Variants in LRRK1 observed in about 807,000 individuals in gnomAD.
LRRK1 encodes leucine-rich repeat serine/threonine-protein kinase 1.
A neutral mutation model predicts 209.1 loss-of-function variants in LRRK1; 113 were observed. That is an observed-to-expected ratio of 0.54 (90% CI 0.46 to 0.63). LRRK1 has a LOEUF of 0.63. Among genes scored for constraint, LRRK1 ranks in the 30% least tolerant of loss-of-function variants. The probability of loss-of-function intolerance (pLI) is 0.00; values close to 1 mark genes in which losing one functional copy is unlikely to be tolerated. For missense variants in LRRK1, 2,284 were observed against 2,632.2 expected (o/e 0.87, Z 2.89); for synonymous variants, 1,144 against 1,099.7 (o/e 1.04, Z -0.80).
Position 101,065,415 on chromosome 15 carries a change from G to A in LRRK1, c.4978G>A (p.Gly1660Ser), listed in dbSNP as rs1412835234. 1.2e-6 allele frequency: 2 copies of A among 1,614,116 alleles called. No individual in the cohort carries two copies. The highest frequency in any genetic ancestry group is 1.1e-5 in the South Asian group (1 of 91,084). ...TGTGGCTGTGTTTCCCGTGGTGCGG[G>A]GCACCCCAAAGGACAGCTGCTCCTA... ...GLVAVFPVVR[G>S]TPKDSCSYLC... The change falls in exon 32 of 34, where the codon GGC (glycine) becomes AGC (serine). Residue 1660 changes from glycine (G) to serine (S), a missense_variant. Physicochemically the swap from Gly to Ser is moderately conservative, Grantham distance 56. Transcript: ENST00000388948.
At position 100,939,216 on chromosome 15, in the gene LRRK1, G is replaced by A. The variant is rs368599123; in HGVS notation, c.97+14487G>A. On this transcript the variant is annotated intron_variant, in intron 2 of 33. Coordinates refer to ENST00000388948, the MANE Select transcript of LRRK1 (RefSeq NM_024652.6). The stretch of plus-strand genomic sequence containing the variant: ...GTTGAGTCAGTGCCCTTGCATGCTG[G>A]GACATGGGACAGTACAGTTCCTAAG... 5.5e-4 allele frequency among the ~76,000 whole-genome samples: 83 copies of A among 152,234 alleles called. No individual in the cohort carries two copies. In the South Asian group the frequency reaches 0.017, roughly 30 times the overall value.
chr15:101,051,659 C>A (rs890112829), intron 23 of LRRK1, 52 bp from the exon 24 acceptor site: 2 of 1,584,368 alleles, frequency 1.3e-6, no homozygotes, highest in African/African-American at 1.3e-5. Context: ...GCTCGGGGGG[C>A]CCTCCTGCAC....
intron 12 of LRRK1, among the ~76,000 whole-genome samples, chr15:101,016,359 C>A (rs1397513530): frequency 6.6e-6 from 1 of 151,738 alleles, no homozygotes. Context: ...TGCTGGCGCC[C>A]TCCTCTCAGA....
intron 24 of LRRK1, 123 bp downstream of exon 24, chr15:101,052,083 T>C: frequency 9.0e-7 from 1 of 1,106,624 alleles, no homozygotes; most frequent in Non-Finnish European, 1.3e-6. Flanking sequence ...GGCCATGGCT[T>C]CCCACCAATC....
intron 20 of LRRK1, among the ~76,000 whole-genome samples, chr15:101,040,768 G>T (rs1227740003): frequency 6.6e-6 from 1 of 152,152 alleles, no homozygotes; most frequent in Non-Finnish European, 1.5e-5. Context: ...TTTGGTCAGA[G>T]AATATATTCT....
chr15:101,065,483 G>A lies in LRRK1; in HGVS notation c.5046G>A (p.Ala1682=), dbSNP rs543690677. 125 of 1,614,194 alleles carry A rather than the reference G, an allele frequency of 7.7e-5. No homozygotes were observed. In the African/African-American group the frequency reaches 8.1e-4, roughly 10 times the overall value. ...HTANRSKFSI[A]DEDARQNPYP... is the part of the protein sequence containing the mutation. ...CCAACAGGTCCAAGTTCAGCATCGC[G>A]GATGAAGACGCACGGCAGAACCCCT... The change falls in exon 32 of 34, where the codon GCG becomes GCA. Residue 1682 remains alanine (A), a synonymous_variant. Coordinates refer to ENST00000388948, the MANE Select transcript of LRRK1 (RefSeq NM_024652.6).
chr15:101,025,889 G>T, intron 16 of LRRK1, 76 bp from the exon 17 acceptor site: 1 of 1,530,354 alleles, frequency 6.5e-7, no homozygotes, highest in Middle Eastern at 1.8e-4. Flanking sequence ...CAGCGCACCT[G>T]CACAGCTGGG....
rs533648245 is a variant in LRRK1 at position 101,069,016 on chromosome 15, C to T, written c.*168C>T. ...AGAAGTTACTCGCCTGGCGGTGGCT[C>T]CAGGGTTCTCTGGTTCTCTGGAGCA... is the stretch of plus-strand genomic sequence containing the variant. On this transcript the variant is annotated 3_prime_UTR_variant, in exon 34 of 34. Coordinates refer to ENST00000388948, the MANE Select transcript of LRRK1 (RefSeq NM_024652.6). The T allele has an allele frequency of 3.3e-5, 20 of 604,162 alleles. No individual in the cohort carries two copies. Among genetic ancestry groups the T allele is most frequent in the Admixed American group, 7.2e-5 (2 of 27,836 alleles). The allele number at this position is 604,162 out of a possible 1,614,324, so 37.4% of individuals were successfully genotyped here. A position where few individuals can be genotyped will look rare whatever the true frequency, so the allele number is the denominator to read the frequency against.
rs767857798 is a variant in LRRK1, at chr15:101,049,794, AT to A, written c.3439+12del. 14 of 1,609,966 alleles carry A rather than the reference AT, an allele frequency of 8.7e-6. No individual in the cohort carries two copies. The highest frequency in any genetic ancestry group is 1.0e-5 in the Non-Finnish European group (12 of 1,178,046). ...ATCAGTGGTTTCCCGGTAAGAGGAGATGCTAGAAGCAAGCCCTCATTCATGC... is the reference window on the plus strand; with the variant it reads ...ATCAGTGGTTTCCCGGTAAGAGGAGAGCTAGAAGCAAGCCCTCATTCATGC... On this transcript the variant is annotated intron_variant, in intron 23 of 33. Coordinates refer to ENST00000388948, the MANE Select transcript of LRRK1 (RefSeq NM_024652.6).
intron 20 of LRRK1, among the ~76,000 whole-genome samples, chr15:101,040,869 C>T (rs548485306): frequency 2.6e-5 from 4 of 152,292 alleles, no homozygotes; most frequent in African/African-American, 9.6e-5. Flanking sequence ...ACACAAGAAA[C>T]GAGTTTTCTG....
chr15:100,944,542 A>G lies in LRRK1; in HGVS notation c.97+19813A>G, dbSNP rs79025225. ...TAATCACTCACTGGGTTCACCTCAA[A>G]TCCTCACATGATAGACACCAGCCTA... On this transcript the variant is annotated intron_variant, in intron 2 of 33. Transcript: ENST00000388948. Among the ~76,000 whole-genome samples, 1,415 of 152,316 alleles carry G rather than the reference A, an allele frequency of 9.3e-3. 26 individuals are homozygous for G. Among genetic ancestry groups the G allele is most frequent in the African/African-American group, 0.032 (1,336 of 41,552 alleles).
chr15:101,021,659 G>T (rs2033793389), intron 13 of LRRK1, 186 bp from the exon 14 acceptor site: 1 of 570,228 alleles, frequency 1.8e-6, no homozygotes, highest in South Asian at 2.2e-5. Context: ...AGACAGAGCT[G>T]CCGTTTCTAT....
At chr15:100,972,363 A>AGAGAGAGAGAGAGAGTGTGTGTGT (rs1176201849) in intron 2 of LRRK1, among the ~76,000 whole-genome samples, 3 of 98,468 alleles carry the variant, frequency 3.0e-5, no homozygotes, top group Non-Finnish European at 5.7e-5. Context: ...AGAGAGAGAG[A>AGAGAGAGAGAGAGAGTGTGTGTGT]GTGTGTGTGT....
rs556868104 is a variant in LRRK1 at position 100,983,557 on chromosome 15, T to C, written c.291T>C (p.Tyr97=). The C allele has an allele frequency of 1.9e-6, 3 of 1,608,752 alleles. No individual in the cohort carries two copies. Among genetic ancestry groups the C allele is most frequent in the East Asian group, 4.5e-5 (2 of 44,826 alleles). The change falls in exon 4 of 34, where the codon TAT becomes TAC. Residue 97 remains tyrosine, a synonymous_variant. Coordinates refer to ENST00000388948, the MANE Select transcript of LRRK1 (RefSeq NM_024652.6). ...AGCTTCTGAGCATCCCGGCAGCCTA[T>C]GGGGATCTGGAGATGGTCCGCTACC... The part of the protein sequence containing the change: ...KGQLLSIPAA[Y]GDLEMVRYLL...
At chr15:101,062,134 G>A (rs569746085) in intron 30 of LRRK1, among the ~76,000 whole-genome samples, 11 of 152,206 alleles carry the variant, frequency 7.2e-5, no homozygotes, top group Admixed American at 2.6e-4. Flanking sequence ...TGCCTAAAGC[G>A]TGCTGTTGCA....
chr15:101,054,071 T>C (rs1311015121), intron 26 of LRRK1, among the ~76,000 whole-genome samples: 1 of 152,202 alleles, frequency 6.6e-6, no homozygotes, highest in African/African-American at 2.4e-5. Flanking sequence ...TTTGACCTCC[T>C]GAACTCAAGC....
chr15:100,990,121 G>T (rs147916105), intron 6 of LRRK1, among the ~76,000 whole-genome samples: 31 of 152,076 alleles, frequency 2.0e-4, no homozygotes, highest in African/African-American at 7.0e-4. Flanking sequence ...ACTATACAGG[G>T]TTTAGTTTTA....
At chr15:100,989,503 A>G (rs1314476952) in intron 6 of LRRK1, 105 bp downstream of exon 6, 1 of 1,250,866 alleles carries the variant, frequency 8.0e-7, no homozygotes, top group Non-Finnish European at 1.1e-6. Context: ...TATTTGGCTT[A>G]CAGGTCTGGA....
intron 24 of LRRK1, 44 bp from the exon 25 acceptor site, chr15:101,052,878 A>G (rs2035545505): frequency 6.3e-7 from 1 of 1,584,666 alleles, no homozygotes; most frequent in Non-Finnish European, 8.6e-7. Flanking sequence ...ACCCACCCGC[A>G]TCAGGGCGGG....
Sources: gnomAD v4.1 joint callset for allele counts (sites outside exome capture counted in the v4.1 genomes callset) on GRCh38, gnomAD v4.1.1 for gene constraint, MANE v1.5 for transcripts, NCBI Gene and HGNC (gene_info 2026-07-23, HGNC 2026-07-21) for gene names.